Variants in SYCP2 observed in about 807,000 individuals in gnomAD.
SYCP2 encodes the protein synaptonemal complex protein 2, also known as synaptonemal complex lateral element protein.
In SYCP2, 55 loss-of-function variants were observed where a neutral mutation model predicts 211.3. That is an observed-to-expected ratio of 0.26 (90% CI 0.21 to 0.33). The LOEUF (loss-of-function observed/expected upper bound fraction) is 0.33. Ranked by LOEUF, SYCP2 falls within the 10% of genes least tolerant of loss-of-function variation. SYCP2 has a pLI of 1.00. For synonymous variants in SYCP2, 570 were observed against 555.2 expected, an observed-to-expected ratio of 1.03 and a Z score of -0.37; for missense variants, 1,731 against 1,752.0, an observed-to-expected ratio of 0.99 and a Z score of 0.21.
intron 2 of SYCP2, 45 bp from the exon 3 acceptor site, chr20:59,922,504 A>T: frequency 9.8e-7 from 1 of 1,017,362 alleles, no homozygotes. Flanking sequence ...AATCTGTTTC[A>T]TGTGTTTATC....
chr20:59,908,166 G>A (rs184868729), intron 14 of SYCP2, among the ~76,000 whole-genome samples: 66 of 152,196 alleles, frequency 4.3e-4, no homozygotes, highest in African/African-American at 1.5e-3. Flanking sequence ...GGAGAATGGC[G>A]TGAACCCGGG....
At chr20:59,898,886 A>C (rs896947977) in intron 18 of SYCP2, among the ~76,000 whole-genome samples, 1 of 152,196 alleles carries the variant, frequency 6.6e-6, no homozygotes, top group African/African-American at 2.4e-5. Flanking sequence ...AAGAGACAGT[A>C]AAGCAAACTA....
At chr20:59,910,442 C>A (rs2060298746) in intron 14 of SYCP2, among the ~76,000 whole-genome samples, 2 of 139,480 alleles carry the variant, frequency 1.4e-5, no homozygotes, top group South Asian at 4.5e-4. Context: ...GTGCAGTGGC[C>A]CGATCTCGGC....
At chr20:59,891,756 C>G (rs908458958) in intron 24 of SYCP2, among the ~76,000 whole-genome samples, 7 of 151,776 alleles carry the variant, frequency 4.6e-5, no homozygotes, top group Admixed American at 2.0e-4. Flanking sequence ...GAGACAGGAA[C>G]TGCATGGTTC....
rs755946032 is a variant in SYCP2 at position 59,868,842 on chromosome 20, A to C, written c.3825T>G (p.His1275Gln). Reference protein sequence around the residue: ...TWFDMPCDATHVSGPTQHLSR... With the variant: ...TWFDMPCDATQVSGPTQHLSR... ...AAGACTATGACTACAAACCTGATAC[A>C]TGAGTAGCATCACAGGGCATGTCAA... The change falls in exon 37 of 45, where the codon CAT (histidine) becomes CAG (glutamine). Residue 1275 changes from histidine (H) to glutamine (Q), a missense_variant. His to Gln is a conservative substitution (Grantham distance 24, BLOSUM62 0). Transcript: ENST00000357552. 1.2e-6 allele frequency: 2 copies of C among 1,607,156 alleles called. No homozygotes were observed. The highest frequency in any genetic ancestry group is 2.2e-5 in the South Asian group (2 of 90,084).
intron 37 of SYCP2, 65 bp from the exon 38 acceptor site, chr20:59,868,633 T>G: frequency 6.7e-7 from 1 of 1,487,622 alleles, no homozygotes; most frequent in South Asian, 1.4e-5. Context: ...CATATTTTCT[T>G]GCTTTTATTT....
chr20:59,872,576 GA>G (rs1173306168), intron 35 of SYCP2, among the ~76,000 whole-genome samples: 1 of 151,788 alleles, frequency 6.6e-6, no homozygotes, highest in Non-Finnish European at 1.5e-5. Context: ...GTATGTATAG[GA>G]AAAAAAGATA....
rs3834664 is a variant in SYCP2, at chr20:59,922,801, G to GA, written c.-46-343dup. ...TACTTGTTCCACCTCTGAGAACAAGGAAAAAAAAAAACTCTTGAATTAATG... is the reference window on the plus strand; with the variant it reads ...TACTTGTTCCACCTCTGAGAACAAGGAAAAAAAAAAAACTCTTGAATTAATG... On this transcript the variant is annotated intron_variant, in intron 2 of 44. Coordinates refer to ENST00000357552, the MANE Select transcript of SYCP2 (RefSeq NM_014258.4). Among the ~76,000 whole-genome samples, 280 of 140,072 alleles carry GA rather than the reference G, an allele frequency of 2.0e-3. 1 individual carries two copies. The highest frequency in any genetic ancestry group is 4.0e-3 in the Admixed American group (56 of 13,998). The allele number at this position is 140,072 out of a possible 152,430, so 91.9% of individuals were successfully genotyped here.
chr20:59,873,786 G>A, intron 35 of SYCP2, 70 bp downstream of exon 35: 1 of 1,327,258 alleles, frequency 7.5e-7, no homozygotes, highest in Non-Finnish European at 1.0e-6. Context: ...ATCTGATTAA[G>A]ATGATAGGGA....
At chr20:59,900,043 A>T (rs758442542) in intron 18 of SYCP2, 95 bp downstream of exon 18, 3 of 1,295,758 alleles carry the variant, frequency 2.3e-6, no homozygotes, top group Non-Finnish European at 3.3e-6. Context: ...AAGGCCAATA[A>T]TATATAAATT....
chr20:59,878,625 C>A (rs6064857), intron 31 of SYCP2, among the ~76,000 whole-genome samples: 2,951 of 152,084 alleles, frequency 0.019, 41 homozygotes, highest in Middle Eastern at 0.041. Context: ...TAATTACTGT[C>A]CTGAAATCTG....
At chr20:59,868,698 TTCAATTCTACC>T in intron 37 of SYCP2, 126 bp downstream of exon 37, 1 of 1,257,382 alleles carries the variant, frequency 8.0e-7, no homozygotes, top group South Asian at 1.6e-5. Flanking sequence ...TAATTATGCA[TTCAATTCTACC>T]TAGTTTATTT....
intron 16 of SYCP2, among the ~76,000 whole-genome samples, chr20:59,901,186 T>A (rs2060109167): frequency 6.6e-6 from 1 of 152,118 alleles, no homozygotes; most frequent in Admixed American, 6.6e-5. Context: ...TCCACATGCC[T>A]GGAAAGTATT....
At chr20:59,873,724 T>TC in intron 35 of SYCP2, 132 bp downstream of exon 35, 1 of 648,338 alleles carries the variant, frequency 1.5e-6, no homozygotes, top group Non-Finnish European at 2.6e-6. Context: ...TATGTCCCTC[T>TC]CCCCCAAGAC....
At chr20:59,910,775 C>T (rs558047664) in intron 14 of SYCP2, among the ~76,000 whole-genome samples, 3 of 150,678 alleles carry the variant, frequency 2.0e-5, no homozygotes, top group South Asian at 2.1e-4. Context: ...TGGCAAGAAC[C>T]GCAATTACTT....
At chr20:59,873,680 T>G (rs774434706) in intron 35 of SYCP2, among the ~76,000 whole-genome samples, 176 bp downstream of exon 35, 3 of 152,062 alleles carry the variant, frequency 2.0e-5, no homozygotes, top group Non-Finnish European at 4.4e-5. Flanking sequence ...TCTGTTAGGT[T>G]CATCAAGACT....
intron 30 of SYCP2, 145 bp downstream of exon 30, chr20:59,880,821 A>G (rs1291806526): frequency 2.0e-6 from 1 of 489,800 alleles, no homozygotes; most frequent in East Asian, 3.4e-5. Context: ...CTGAAAGACC[A>G]TAAGAAAATT....
In SYCP2 at chr20:59,919,567, T is replaced by C. The variant is rs754707613; in HGVS notation, c.328A>G (p.Ile110Val). The C allele has an allele frequency of 6.2e-7, 1 of 1,609,356 alleles. No homozygotes were observed. The highest frequency in any genetic ancestry group is 8.5e-7 in the Non-Finnish European group (1 of 1,177,428). ...TTTGAATTTCCTTGACTCTGAATAATGTCCTTGGATTTTTCAAACCAGGCA... is the reference window on the plus strand; with the variant it reads ...TTTGAATTTCCTTGACTCTGAATAACGTCCTTGGATTTTTCAAACCAGGCA... ...MVAWFEKSKD[I>V]IQSQGNSKDE... The change falls in exon 6 of 45, where the codon ATT (isoleucine) becomes GTT (valine). Residue 110 changes from isoleucine to valine, a missense_variant. Ile to Val is a conservative substitution (Grantham distance 29). Transcript: ENST00000357552.
intron 30 of SYCP2, 47 bp from the exon 31 acceptor site, chr20:59,880,518 AT>A (rs1304028723): frequency 1.7e-6 from 2 of 1,160,846 alleles, no homozygotes; most frequent in East Asian, 5.4e-5. Context: ...ACATCTCATT[AT>A]GTCATGCAAG....
Sources: gnomAD v4.1 joint callset for allele counts (sites outside exome capture counted in the v4.1 genomes callset) on GRCh38, gnomAD v4.1.1 for gene constraint, MANE v1.5 for transcripts, NCBI Gene and HGNC (gene_info 2026-07-23, HGNC 2026-07-21) for gene names.